The following LIPN variants were observed in gnomAD, a reference collection of about 807,000 sequenced individuals.
The protein encoded by LIPN is lipase member N.
LIPN carries 32 observed loss-of-function variants against 43.7 expected under a neutral mutation model. That is an observed-to-expected ratio of 0.73 (90% CI 0.55 to 0.98). The LOEUF is 0.98. LIPN is among the 50% of genes least tolerant of loss of function. The probability of loss-of-function intolerance (pLI) is 0.00; values close to 1 mark genes in which losing one functional copy is unlikely to be tolerated. For synonymous variants in LIPN, 156 were observed against 157.6 expected (o/e 0.99, Z 0.08); for missense variants, 505 against 483.8 (o/e 1.04, Z -0.41).
upstream of LIPN, among the ~76,000 whole-genome samples, chr10:88,757,721 C>T (rs866647803): frequency 2.6e-5 from 4 of 152,102 alleles, no homozygotes; most frequent in African/African-American, 7.2e-5. Context: ...TTCCCAACTT[C>T]GCTTTGAGTA....
chr10:88,768,903 T>G lies in LIPN; in HGVS notation c.647T>G (p.Phe216Cys). 1 of 1,611,488 alleles carries G rather than the reference T, an allele frequency of 6.2e-7. No homozygotes were observed. Among genetic ancestry groups the G allele is most frequent in the Non-Finnish European group, 8.5e-7 (1 of 1,178,338 alleles). ...CCCACGGGCATTTTTACCAGGTTTT[T>G]TCTACTTCCAAATTCCATAATCAAG... ...KYPTGIFTRF[F>C]LLPNSIIKAV... Residue 216 changes from phenylalanine to cysteine, a missense_variant, in exon 6 of 10, where the codon TTT becomes TGT. Phe to Cys is a radical substitution (Grantham distance 205, BLOSUM62 -2). Transcript: ENST00000404459.
At chr10:88,771,439 T>A (rs1843207908) in intron 7 of LIPN, among the ~76,000 whole-genome samples, 2 of 151,976 alleles carry the variant, frequency 1.3e-5, no homozygotes, top group Middle Eastern at 3.4e-3. Context: ...CAGCCTCTGG[T>A]AACCATCATT....
intron 9 of LIPN, among the ~76,000 whole-genome samples, chr10:88,776,547 AT>A (rs1330819649): frequency 6.6e-6 from 1 of 152,020 alleles, no homozygotes; most frequent in Non-Finnish European, 1.5e-5. Flanking sequence ...TTTGATGCCA[AT>A]TTTTATTACA....
chr10:88,766,308 A>C lies in LIPN; in HGVS notation c.465A>C (p.Ile155=). ...CCAAATATGATCTCCCAGGAGTAATAGACTTCATTGTAAATAAAACTGGTC... is the reference window on the plus strand; with the variant it reads ...CCAAATATGATCTCCCAGGAGTAATCGACTTCATTGTAAATAAAACTGGTC... The part of the protein sequence containing the change: ...EMAKYDLPGV[I]DFIVNKTGQE... Residue 155 remains isoleucine, a synonymous_variant, in exon 5 of 10, where the codon ATA becomes ATC. Coordinates refer to ENST00000404459, the MANE Select transcript of LIPN (RefSeq NM_001102469.2). 1 of 1,609,484 alleles carries C rather than the reference A, an allele frequency of 6.2e-7. No individual in the cohort carries two copies. Among genetic ancestry groups the C allele is most frequent in the South Asian group, 1.1e-5 (1 of 90,928 alleles).
rs1843275221 is a variant in LIPN at position 88,775,121 on chromosome 10, T to G, written c.921T>G (p.Tyr307Ter). 1 of 1,546,940 alleles carries G rather than the reference T, an allele frequency of 6.5e-7. No individual in the cohort carries two copies. Residue 307 changes from tyrosine (Y) to a stop codon, truncating the protein, a stop_gained, in exon 9 of 10, where the codon TAT becomes TAG. Transcript: ENST00000404459. LOFTEE classifies it high-confidence loss of function. ...ACCACTCTGATGAATTCAGAGCTTA[T>G]GACTGGGGAAATGACGCTGATAATA... ...QLYHSDEFRA[Y>*]DWGNDADNMK...
At chr10:88,776,263 A>C (rs1843294337) in intron 9 of LIPN, among the ~76,000 whole-genome samples, 1 of 152,034 alleles carries the variant, frequency 6.6e-6, no homozygotes, top group Non-Finnish European at 1.5e-5. Flanking sequence ...CTTCAGAGAG[A>C]AGAAAGAAGA....
At chr10:88,761,592 A>T in intron 2 of LIPN, 79 bp downstream of exon 2, 1 of 920,530 alleles carries the variant, frequency 1.1e-6, no homozygotes, top group Non-Finnish European at 1.7e-6. Flanking sequence ...TCCTGTTGTA[A>T]CAGAAAATCT....
Position 88,778,072 on chromosome 10 carries a change from C to T in LIPN, c.1027C>T (p.His343Tyr), listed in dbSNP as rs753601488. Residue 343 changes from histidine (H) to tyrosine (Y), a missense_variant, in exon 10 of 10, where the codon CAT becomes TAT. His to Tyr is a moderately conservative substitution (Grantham distance 83). Coordinates refer to ENST00000404459, the MANE Select transcript of LIPN (RefSeq NM_001102469.2). The part of the protein sequence containing the change: ...KVPTAIWAGG[H>Y]DVLVTPQDVA... ...GCCTACTGCTATTTGGGCTGGTGGA[C>T]ATGATGTCCTCGTAACACCCCAGGA... 9.4e-5 allele frequency: 151 copies of T among 1,613,526 alleles called. No individual in the cohort carries two copies. The highest frequency in any genetic ancestry group is 1.3e-4 in the Non-Finnish European group (149 of 1,179,712).
intron 4 of LIPN, 38 bp from the exon 5 acceptor site, chr10:88,766,231 T>C: frequency 1.0e-6 from 1 of 992,276 alleles, no homozygotes; most frequent in Non-Finnish European, 1.6e-6. Flanking sequence ...AAACTTAAAC[T>C]TGCAAGTATT....
chr10:88,774,127 C>T (rs1487635709), intron 7 of LIPN, among the ~76,000 whole-genome samples: 2 of 152,018 alleles, frequency 1.3e-5, no homozygotes, highest in South Asian at 2.1e-4. Context: ...TGACAGTGCA[C>T]CTGGGTGCGC....
intron 3 of LIPN, among the ~76,000 whole-genome samples, chr10:88,764,155 A>G (rs1843048531): frequency 6.6e-6 from 1 of 152,014 alleles, no homozygotes; most frequent in Non-Finnish European, 1.5e-5. Context: ...GCAAGAATTT[A>G]GTAAGCTAAT....
rs748595577 is a variant in LIPN, at chr10:88,768,897, G to A, written c.641G>A (p.Arg214Lys). 1.9e-6 allele frequency: 3 copies of A among 1,611,150 alleles called. No homozygotes were observed. Among genetic ancestry groups the A allele is most frequent in the Admixed American group, 1.7e-5 (1 of 59,720 alleles). The change falls in exon 6 of 10, where the codon AGG (arginine) becomes AAG (lysine). Residue 214 changes from arginine to lysine, a missense_variant. Arg to Lys is a conservative substitution (Grantham distance 26). Coordinates refer to ENST00000404459, the MANE Select transcript of LIPN (RefSeq NM_001102469.2). ...SFKYPTGIFTRFFLLPNSIIK... is the reference protein window; with the variant it reads ...SFKYPTGIFTKFFLLPNSIIK... ...AAATATCCCACGGGCATTTTTACCA[G>A]GTTTTTTCTACTTCCAAATTCCATA... is the stretch of plus-strand genomic sequence containing the variant.
At position 88,768,779 on chromosome 10, in the gene LIPN, C is replaced by T; in HGVS notation, c.536-13C>T. On this transcript the variant is annotated splice_polypyrimidine_tract_variant and intron_variant, in intron 5 of 9. Transcript: ENST00000404459. ...TTATTTTTACAAGATTGTCTTATCT[C>T]CTGTTCTCTCAGGGTTTGTAGCCTT... 1.9e-6 allele frequency: 3 copies of T among 1,607,964 alleles called. No homozygotes were observed. Among genetic ancestry groups the T allele is most frequent in the South Asian group, 1.1e-5 (1 of 90,174 alleles).
upstream of LIPN, among the ~76,000 whole-genome samples, chr10:88,759,773 C>T (rs1842969932): frequency 6.6e-6 from 1 of 152,084 alleles, no homozygotes; most frequent in Non-Finnish European, 1.5e-5. Context: ...CTGTTTGACA[C>T]ACTGGTTTGA....
intron 9 of LIPN, among the ~76,000 whole-genome samples, chr10:88,776,700 C>T (rs187532887): frequency 6.6e-6 from 1 of 152,196 alleles, no homozygotes; most frequent in Admixed American, 6.6e-5. Context: ...TCATTTTGTT[C>T]ACCAGTGTTT....
intron 4 of LIPN, 70 bp downstream of exon 4, chr10:88,764,678 TAATGA>T: frequency 3.6e-6 from 4 of 1,116,862 alleles, no homozygotes; most frequent in African/African-American, 3.2e-5. Context: ...TGGACGCTAT[TAATGA>T]TTATCTTTGA....
chr10:88,772,645 T>G (rs1843229436), intron 7 of LIPN, among the ~76,000 whole-genome samples: 1 of 151,970 alleles, frequency 6.6e-6, no homozygotes, highest in Non-Finnish European at 1.5e-5. Flanking sequence ...CATGCAGTTT[T>G]GATTATTACA....
intron 7 of LIPN, among the ~76,000 whole-genome samples, chr10:88,774,189 G>T (rs1843256538): frequency 6.6e-6 from 1 of 151,996 alleles, no homozygotes; most frequent in South Asian, 2.1e-4. Flanking sequence ...AGTTGGCTTT[G>T]CTCCATGATG....
chr10:88,774,336 T>C (rs1843259209), intron 7 of LIPN, 137 bp from the exon 8 acceptor site: 1 of 607,804 alleles, frequency 1.6e-6, no homozygotes, highest in Non-Finnish European at 3.0e-6. Flanking sequence ...CTAAATGGTA[T>C]ATTTATCTAG....
Sources: gnomAD v4.1 joint callset for allele counts (sites outside exome capture counted in the v4.1 genomes callset) on GRCh38, gnomAD v4.1.1 for gene constraint, MANE v1.5 for transcripts, NCBI Gene and HGNC (gene_info 2026-07-23, HGNC 2026-07-21) for gene names.